NTN1: variants seen among roughly 807,000 people sequenced by gnomAD.
The protein encoded by NTN1 is netrin-1.
A neutral mutation model predicts 54.2 loss-of-function variants in NTN1; 11 were observed. The ratio of observed to expected loss-of-function variants is 0.20; its 90% CI spans 0.13 to 0.34. The LOEUF (loss-of-function observed/expected upper bound fraction) is 0.34, where lower values mean the gene tolerates loss of function less well. Among genes scored for constraint, NTN1 ranks in the 10% least tolerant of loss-of-function variants. The pLI is 1.00. For synonymous variants in NTN1, 371 were observed against 382.0 expected (o/e 0.97, Z 0.33); for missense variants, 740 against 893.1 (o/e 0.83, Z 2.18).
chr17:9,232,274 C>G (rs547982036), intron 6 of NTN1, among the ~76,000 whole-genome samples: 40 of 152,326 alleles, frequency 2.6e-4, no homozygotes, highest in African/African-American at 9.4e-4. Context: ...GGCACCCCAG[C>G]TGGGGCAGAG....
chr17:9,057,915 T>A (rs989344077), intron 2 of NTN1, among the ~76,000 whole-genome samples: 2 of 152,248 alleles, frequency 1.3e-5, no homozygotes, highest in Non-Finnish European at 2.9e-5. Flanking sequence ...GGAGACAGAG[T>A]CTCGCTGTGT....
chr17:9,111,494 T>C (rs1267500779), intron 2 of NTN1, among the ~76,000 whole-genome samples: 1 of 152,124 alleles, frequency 6.6e-6, no homozygotes, highest in African/African-American at 2.4e-5. Flanking sequence ...AGGCAGGTTC[T>C]TCTGGGAGGC....
intron 5 of NTN1, among the ~76,000 whole-genome samples, chr17:9,188,443 AG>A (rs139061129): frequency 0.68 from 80,985 of 119,868 alleles, 27,760 homozygotes; most frequent in East Asian, 0.93. Flanking sequence ...AAAAAAAAAA[AG>A]AGTGCTAAAT....
At chr17:9,028,914 C>T (rs1051307469) in intron 2 of NTN1, among the ~76,000 whole-genome samples, 1 of 151,932 alleles carries the variant, frequency 6.6e-6, no homozygotes, top group East Asian at 1.9e-4. Context: ...TGCACAAATA[C>T]GGATATTTTG....
At chr17:9,005,544 A>T in the NTN1 span, among the ~76,000 whole-genome samples, 1 of 152,090 alleles carries the variant, frequency 6.6e-6, no homozygotes, top group Non-Finnish European at 1.5e-5. Flanking sequence ...ATCCTGAAGC[A>T]TGTTGATGCA....
rs1266075341 is a variant in NTN1 at position 9,221,729 on chromosome 17, T to C, written c.1486+487T>C. ...GCGCTGTAAACGGCTCACCACTCAT[T>C]CCCATGCACCGGAAGTTCCGCTGCC... On this transcript the variant is annotated intron_variant, in intron 6 of 6. Coordinates refer to ENST00000173229, the MANE Select transcript of NTN1 (RefSeq NM_004822.3). The surrounding 1 kb of genome is among the most constrained non-coding windows in gnomAD (Gnocchi z 4.5). Among the ~76,000 whole-genome samples, 4 of 152,092 alleles carry C rather than the reference T, an allele frequency of 2.6e-5. No homozygotes were observed. The highest frequency in any genetic ancestry group is 5.9e-5 in the Non-Finnish European group (4 of 67,998).
chr17:9,054,703 G>A (rs961238021), intron 2 of NTN1, among the ~76,000 whole-genome samples: 2 of 152,010 alleles, frequency 1.3e-5, no homozygotes, highest in East Asian at 1.9e-4. Flanking sequence ...GGGAGATTAC[G>A]CCAAGTGGCA....
At chr17:9,238,024 T>G (rs1906050675) in intron 6 of NTN1, among the ~76,000 whole-genome samples, 1 of 152,124 alleles carries the variant, frequency 6.6e-6, no homozygotes, top group Non-Finnish European at 1.5e-5. Context: ...GAAGGATGAC[T>G]CGGTTGGCAT....
intron 2 of NTN1, among the ~76,000 whole-genome samples, chr17:9,108,624 C>A (rs2092177581): frequency 6.6e-6 from 1 of 152,122 alleles, no homozygotes. Flanking sequence ...CCAGAATGCC[C>A]AGGAAAGCAG....
At chr17:9,048,730 C>T (rs1287316462) in intron 2 of NTN1, among the ~76,000 whole-genome samples, 3 of 151,944 alleles carry the variant, frequency 2.0e-5, no homozygotes, top group Non-Finnish European at 2.9e-5. Flanking sequence ...AATCTTGGCT[C>T]ATTGTAACTT....
chr17:9,172,032 G>C (rs1433333091), intron 3 of NTN1, among the ~76,000 whole-genome samples: 1 of 151,972 alleles, frequency 6.6e-6, no homozygotes, highest in Non-Finnish European at 1.5e-5. Flanking sequence ...GGGATTACAG[G>C]CATGCGCCAC....
At chr17:9,126,129 A>G (rs1383382355) in intron 2 of NTN1, among the ~76,000 whole-genome samples, 1 of 152,228 alleles carries the variant, frequency 6.6e-6, no homozygotes, top group Non-Finnish European at 1.5e-5. Flanking sequence ...TTAGAGAACA[A>G]CATAGCACTT....
chr17:9,210,313 A>G (rs886320906), intron 5 of NTN1, among the ~76,000 whole-genome samples: 5 of 151,972 alleles, frequency 3.3e-5, no homozygotes, highest in Admixed American at 2.0e-4. Flanking sequence ...GGAGCTGTCT[A>G]CAGCCACCCT....
At chr17:9,132,491 C>T (rs548631126) in intron 2 of NTN1, among the ~76,000 whole-genome samples, 2 of 152,346 alleles carry the variant, frequency 1.3e-5, no homozygotes, top group African/African-American at 4.8e-5. Context: ...CGTGCAGCTG[C>T]CACACCCTGT....
At chr17:9,231,191 T>C (rs1905798178) in intron 6 of NTN1, among the ~76,000 whole-genome samples, 1 of 152,138 alleles carries the variant, frequency 6.6e-6, no homozygotes. Context: ...CCCCCGCCAT[T>C]GTTCCTGGGT....
At chr17:9,185,712 C>T (rs1443570694) in intron 5 of NTN1, among the ~76,000 whole-genome samples, 2 of 152,180 alleles carry the variant, frequency 1.3e-5, no homozygotes, top group Non-Finnish European at 2.9e-5. Context: ...GTTGTAGAGA[C>T]CTCAGCACTC....
At chr17:9,213,465 C>T (rs985024803) in intron 5 of NTN1, among the ~76,000 whole-genome samples, 1 of 152,166 alleles carries the variant, frequency 6.6e-6, no homozygotes, top group African/African-American at 2.4e-5. Flanking sequence ...GCAAGTATGT[C>T]CTGGCAGGGT....
intron 2 of NTN1, among the ~76,000 whole-genome samples, chr17:9,162,507 G>A (rs567646585): frequency 6.6e-6 from 1 of 152,216 alleles, no homozygotes; most frequent in Non-Finnish European, 1.5e-5. Context: ...CTGGCATAGG[G>A]CCCACTCTGA....
At chr17:9,149,444 G>A (rs2092321720) in intron 2 of NTN1, among the ~76,000 whole-genome samples, 1 of 152,112 alleles carries the variant, frequency 6.6e-6, no homozygotes, top group African/African-American at 2.4e-5. Flanking sequence ...CAGCCACAGG[G>A]TTTTATCAGG....
Sources: allele counts gnomAD v4.1 joint callset (sites outside exome capture counted in the v4.1 genomes callset), GRCh38; gene constraint gnomAD v4.1.1; non-coding constraint Gnocchi (gnomAD v3.1); transcripts MANE v1.5; gene names NCBI Gene and HGNC (gene_info 2026-07-23, HGNC 2026-07-21).